Variants in CDKN2AIPNL observed in about 807,000 individuals in gnomAD.
The protein encoded by CDKN2AIPNL is CDKN2AIP N-terminal-like protein.
In CDKN2AIPNL, 9 loss-of-function variants were observed where a neutral mutation model predicts 12.9. The observed-to-expected ratio is 0.70, with a 90% CI of 0.42 to 1.22. CDKN2AIPNL has a LOEUF of 1.22. Among genes scored for constraint, CDKN2AIPNL ranks in the 50% most tolerant of loss-of-function variants. CDKN2AIPNL has a pLI of 0.00. For synonymous variants in CDKN2AIPNL, 53 were observed against 61.7 expected, an observed-to-expected ratio of 0.86 and a Z score of 0.66; for missense variants, 143 against 153.6, an observed-to-expected ratio of 0.93 and a Z score of 0.37.
chr5:134,408,563 T>C (rs1322940301), intron 2 of CDKN2AIPNL, among the ~76,000 whole-genome samples: 1 of 149,336 alleles, frequency 6.7e-6, no homozygotes, highest in East Asian at 2.0e-4. Context: ...CAGGCGCCTG[T>C]AGTCCCAGCT....
At chr5:134,410,882 T>C (rs1759181003) in intron 1 of CDKN2AIPNL, 5 of 632,228 alleles carry the variant, frequency 7.9e-6, no homozygotes, top group African/African-American at 1.8e-5. Context: ...AGCTCTCTAA[T>C]AGGGAGTCTC....
At chr5:134,406,709 T>G (rs1300020210) in intron 2 of CDKN2AIPNL, among the ~76,000 whole-genome samples, 2 of 152,064 alleles carry the variant, frequency 1.3e-5, no homozygotes, top group Non-Finnish European at 2.9e-5. Context: ...CAAAACCCAG[T>G]CTCTACAAAA....
At chr5:134,411,104 C>A (rs1209240824) in intron 1 of CDKN2AIPNL, 54 of 702,410 alleles carry the variant, frequency 7.7e-5, no homozygotes, top group Non-Finnish European at 1.0e-5. Context: ...GGAGAAAAAG[C>A]CATAGGATAC....
At position 134,402,346 on chromosome 5, in the gene CDKN2AIPNL, C is replaced by G. The variant is rs1759040694; in HGVS notation, c.*569G>C. Reference sequence around the variant, plus strand: ...AACTCCTAACCTCAGGTGATCTGCTCACCTCGGCCTCCCAAAGTGCTGGGA... The same window carrying G: ...AACTCCTAACCTCAGGTGATCTGCTGACCTCGGCCTCCCAAAGTGCTGGGA... On this transcript the variant is annotated 3_prime_UTR_variant, in exon 3 of 3. Coordinates refer to ENST00000458198, the MANE Select transcript of CDKN2AIPNL (RefSeq NM_080656.3). 6.6e-6 allele frequency: 1 copy of G among 152,132 alleles called. No homozygotes were observed. Among genetic ancestry groups the G allele is most frequent in the Admixed American group, 6.6e-5 (1 of 15,260 alleles). 9.4% of individuals were successfully genotyped at this position (152,132 alleles called of 1,614,324 possible).
chr5:134,405,555 T>C (rs1343653435), intron 2 of CDKN2AIPNL, among the ~76,000 whole-genome samples: 9 of 151,772 alleles, frequency 5.9e-5, no homozygotes, highest in Non-Finnish European at 1.5e-5. Context: ...TAGCTGGGAT[T>C]ACAGGCACGT....
chr5:134,405,443 GTC>G (rs1289530284), intron 2 of CDKN2AIPNL, among the ~76,000 whole-genome samples: 2 of 150,186 alleles, frequency 1.3e-5, no homozygotes, highest in East Asian at 3.9e-4. Context: ...TTGAGACAGA[GTC>G]TCACTCTGTC....
chr5:134,407,768 CAAAA>C (rs749911435), intron 2 of CDKN2AIPNL, among the ~76,000 whole-genome samples: 1 of 85,030 alleles, frequency 1.2e-5, no homozygotes. Context: ...AACTCCATCT[CAAAA>C]AAAAAAAAAA....
chr5:134,407,688 C>T (rs1403693555), intron 2 of CDKN2AIPNL, among the ~76,000 whole-genome samples: 1 of 151,122 alleles, frequency 6.6e-6, no homozygotes, highest in Non-Finnish European at 1.5e-5. Flanking sequence ...GGCAAGGGAT[C>T]GCTTAAACTC....
chr5:134,411,652 G>C lies in CDKN2AIPNL; in HGVS notation c.203C>G (p.Ser68Cys). The change falls in exon 1 of 3, where the codon TCC becomes TGC. Residue 68 changes from serine to cysteine, a missense_variant. By Grantham distance (112) the Ser-to-Cys change is moderately radical. Transcript: ENST00000458198. ...SGRLDQLLSL[S>C]MVWANHLFLG... ...GAAGAGATGGTTGGCCCAGACCATG[G>C]AGAGGGAGAGCAGCTGGTCCAGGCG... 1 of 1,613,162 alleles carries C rather than the reference G, an allele frequency of 6.2e-7. No individual in the cohort carries two copies. The highest frequency in any genetic ancestry group is 2.2e-5 in the East Asian group (1 of 44,856).
At chr5:134,410,865 A>G (rs1759180836) in intron 1 of CDKN2AIPNL, 1 of 601,352 alleles carries the variant, frequency 1.7e-6, no homozygotes, top group Non-Finnish European at 3.0e-6. Flanking sequence ...AATTTCAGGA[A>G]AATCGAAGCT....
intron 2 of CDKN2AIPNL, among the ~76,000 whole-genome samples, chr5:134,407,507 C>T (rs1201386744): frequency 1.3e-5 from 2 of 152,142 alleles, no homozygotes; most frequent in African/African-American, 4.8e-5. Context: ...GGCACAGTGG[C>T]TAACGCATGT....
Position 134,406,140 on chromosome 5 carries a change from G to C in CDKN2AIPNL, c.340-3214C>G, listed in dbSNP as rs141890680. 8.3e-4 allele frequency among the ~76,000 whole-genome samples: 127 copies of C among 152,298 alleles called. 1 individual carries two copies. The highest frequency in any genetic ancestry group is 1.9e-3 in the African/African-American group (80 of 41,568). Reference sequence around the variant, plus strand: ...ATTTCTTTTCTCAGACTTAAAAAAAGAGCTGGACAGATTGCAGAGATCTAC... The same window carrying C: ...ATTTCTTTTCTCAGACTTAAAAAAACAGCTGGACAGATTGCAGAGATCTAC... On this transcript the variant is annotated intron_variant, in intron 2 of 2. Coordinates refer to ENST00000458198, the MANE Select transcript of CDKN2AIPNL (RefSeq NM_080656.3).
intron 1 of CDKN2AIPNL, 132 bp from the exon 2 acceptor site, chr5:134,410,134 C>T (rs998946566): frequency 8.2e-6 from 5 of 607,450 alleles, no homozygotes; most frequent in Non-Finnish European, 1.4e-5. Context: ...CAAACCTATA[C>T]ATGTTCCCCA....
chr5:134,411,714 G>C lies in CDKN2AIPNL; in HGVS notation c.141C>G (p.His47Gln). The change falls in exon 1 of 3, where the codon CAC becomes CAG. Residue 47 changes from histidine (H) to glutamine (Q), a missense_variant. Physicochemically the swap from His to Gln is conservative, Grantham distance 24. Around this residue, in one of 3 missense-constraint regions of CDKN2AIPNL, gnomAD observed 111 missense variants for 111.4 expected, o/e 1.00. Coordinates refer to ENST00000458198, the MANE Select transcript of CDKN2AIPNL (RefSeq NM_080656.3). ...WKARMEFILR[H>Q]LPDYRDPPDG... The stretch of plus-strand genomic sequence containing the variant: ...CGGGCGGGTCGCGGTAGTCGGGCAG[G>C]TGGCGCAGGATGAATTCCATGCGGG... 3 of 1,613,254 alleles carry C rather than the reference G, an allele frequency of 1.9e-6. No homozygotes were observed. The highest frequency in any genetic ancestry group is 2.5e-6 in the Non-Finnish European group (3 of 1,179,860).
chr5:134,405,378 T>C (rs1283930945), intron 2 of CDKN2AIPNL, among the ~76,000 whole-genome samples: 2 of 151,824 alleles, frequency 1.3e-5, no homozygotes, highest in Non-Finnish European at 2.9e-5. Context: ...GTGCTGGGAT[T>C]ACAGGCGTGA....
Position 134,411,600 on chromosome 5 carries a change from C to G in CDKN2AIPNL, c.239+16G>C, listed in dbSNP as rs766510717. 6.2e-7 allele frequency: 1 copy of G among 1,604,856 alleles called. No homozygotes were observed. Among genetic ancestry groups the G allele is most frequent in the Admixed American group, 1.7e-5 (1 of 59,488 alleles). Reference sequence around the variant, plus strand: ...AAGATAGGGGACAGGATCAGCCGGCCGGCAGGGGTCCGCACCTGCAGCCTA... The same window carrying G: ...AAGATAGGGGACAGGATCAGCCGGCGGGCAGGGGTCCGCACCTGCAGCCTA... On this transcript the variant is annotated intron_variant, in intron 1 of 2. Coordinates refer to ENST00000458198, the MANE Select transcript of CDKN2AIPNL (RefSeq NM_080656.3).
rs1759038330 is a variant in CDKN2AIPNL, at chr5:134,402,176, A to C, written c.*739T>G. 1 of 152,048 alleles carries C rather than the reference A, an allele frequency of 6.6e-6. No homozygotes were observed. Among genetic ancestry groups the C allele is most frequent in the Non-Finnish European group, 1.5e-5 (1 of 68,054 alleles). 9.4% of individuals were successfully genotyped at this position (152,048 alleles called of 1,614,324 possible). ...CAATGGTGCGATCTTGGCTCACTGC[A>C]ACCTCCACCTCCCAGGTTCAAGCAG... On this transcript the variant is annotated 3_prime_UTR_variant, in exon 3 of 3. Coordinates refer to ENST00000458198, the MANE Select transcript of CDKN2AIPNL (RefSeq NM_080656.3).
At position 134,402,702 on chromosome 5, in the gene CDKN2AIPNL, C is replaced by T. The variant is rs1759046016; in HGVS notation, c.*213G>A. On this transcript the variant is annotated 3_prime_UTR_variant, in exon 3 of 3. Coordinates refer to ENST00000458198, the MANE Select transcript of CDKN2AIPNL (RefSeq NM_080656.3). ...TCTTAGAGTGCATGATTTATAAATA[C>T]ATAAATATCCATGCATACTTTTACA... 2.3e-6 allele frequency: 1 copy of T among 431,842 alleles called. No individual in the cohort carries two copies. The highest frequency in any genetic ancestry group is 3.5e-5 in the East Asian group (1 of 28,202). 26.8% of individuals were successfully genotyped at this position (431,842 alleles called of 1,614,324 possible). A position where few individuals can be genotyped will look rare whatever the true frequency, so the allele number is the denominator to read the frequency against.
intron 2 of CDKN2AIPNL, among the ~76,000 whole-genome samples, chr5:134,406,698 G>A (rs780001476): frequency 3.3e-5 from 5 of 152,142 alleles, no homozygotes; most frequent in Non-Finnish European, 7.4e-5. Flanking sequence ...GGGGAACATA[G>A]CAAAACCCAG....
Sources: allele counts gnomAD v4.1 joint callset (sites outside exome capture counted in the v4.1 genomes callset), GRCh38; gene constraint gnomAD v4.1.1; regional missense constraint gnomAD v4.1.1; transcripts MANE v1.5; gene names NCBI Gene and HGNC (gene_info 2026-07-23, HGNC 2026-07-21).